UNC79: variants seen among roughly 807,000 people sequenced by gnomAD.
UNC79 encodes protein unc-79 homolog.
In UNC79, 37 loss-of-function variants were observed where a neutral mutation model predicts 283.1. That is an observed-to-expected ratio of 0.13 (90% CI 0.10 to 0.17). The LOEUF is 0.17. Ranked by LOEUF, UNC79 falls within the 10% of genes least tolerant of loss-of-function variation. The probability of loss-of-function intolerance (pLI) is 1.00; values close to 1 mark genes in which losing one functional copy is unlikely to be tolerated. For synonymous variants in UNC79, 1,107 were observed against 1,200.2 expected, an observed-to-expected ratio of 0.92 and a Z score of 1.61; for missense variants, 2,272 against 3,211.1, an observed-to-expected ratio of 0.71 and a Z score of 7.07.
At chr14:93,359,312 C>G (rs2054171577) in intron 1 of UNC79, among the ~76,000 whole-genome samples, 1 of 152,144 alleles carries the variant, frequency 6.6e-6, no homozygotes, top group African/African-American at 2.4e-5. Flanking sequence ...ACCTACTCAT[C>G]CCAGCTGGGA....
intron 40 of UNC79, among the ~76,000 whole-genome samples, chr14:93,663,853 T>C (rs1374650790): frequency 2.0e-5 from 3 of 152,244 alleles, no homozygotes; most frequent in Admixed American, 2.0e-4. Context: ...ATTGTGTTTA[T>C]GTTTAATTTG....
At chr14:93,668,978 TAAAAAAAAAAAA>T (rs543609091) in intron 40 of UNC79, among the ~76,000 whole-genome samples, 2 of 79,926 alleles carry the variant, frequency 2.5e-5, no homozygotes, top group African/African-American at 4.4e-5. Context: ...GAACATTGTC[TAAAAAAAAAAAA>T]AAAAAAAAAA....
At chr14:93,493,897 A>ATTTTTT (rs1427126465) in intron 5 of UNC79, among the ~76,000 whole-genome samples, 9 of 57,592 alleles carry the variant, frequency 1.6e-4, no homozygotes, top group African/African-American at 2.1e-4. Flanking sequence ...ATATATATAT[A>ATTTTTT]TATATTTTTT....
At chr14:93,375,987 C>T (rs2054550967) in intron 1 of UNC79, among the ~76,000 whole-genome samples, 1 of 152,138 alleles carries the variant, frequency 6.6e-6, no homozygotes, top group East Asian at 1.9e-4. Context: ...ATTCCCTGTG[C>T]CACCTTGGGA....
intron 1 of UNC79, among the ~76,000 whole-genome samples, chr14:93,346,991 G>A (rs1159527383): frequency 6.6e-6 from 1 of 152,020 alleles, no homozygotes; most frequent in African/African-American, 2.4e-5. Context: ...TGGGTGGAAG[G>A]GGTGGTGCAG....
At chr14:93,575,263 C>G (rs903774104) in intron 17 of UNC79, 65 bp downstream of exon 17, 24 of 1,604,080 alleles carry the variant, frequency 1.5e-5, no homozygotes, top group Non-Finnish European at 2.0e-5. Context: ...GTCAGTTATC[C>G]TACGCCTGAA....
At chr14:93,339,067 A>C (rs1472045151) in intron 1 of UNC79, among the ~76,000 whole-genome samples, 1 of 152,178 alleles carries the variant, frequency 6.6e-6, no homozygotes, top group African/African-American at 2.4e-5. Flanking sequence ...AAGGAAAGTG[A>C]TGTACAGAAA....
chr14:93,408,833 A>G lies in UNC79; in HGVS notation c.-350-58838A>G, dbSNP rs754732628. 2.6e-5 allele frequency among the ~76,000 whole-genome samples: 4 copies of G among 152,372 alleles called. No homozygotes were observed. The South Asian group carries it at 8.3e-4, about 32-fold the overall frequency. On this transcript the variant is annotated intron_variant, in intron 1 of 49. Transcript: ENST00000256339. ...GATGTGGGAGGGGAAGACAGGGTAT[A>G]TGGGAACTCTGTACTATCTGCCTAA... is the stretch of plus-strand genomic sequence containing the variant.
intron 1 of UNC79, among the ~76,000 whole-genome samples, chr14:93,419,946 C>T (rs889353325): frequency 2.7e-5 from 4 of 150,896 alleles, no homozygotes; most frequent in African/African-American, 7.3e-5. Context: ...AATAAAATAA[C>T]CTAATCACTC....
intron 3 of UNC79, among the ~76,000 whole-genome samples, chr14:93,475,720 G>C (rs1033567141): frequency 1.3e-5 from 2 of 152,150 alleles, no homozygotes; most frequent in Non-Finnish European, 2.9e-5. Context: ...CTGGTCCTGG[G>C]TTGGTCCACT....
At chr14:93,396,772 T>G (rs1430412001) in intron 1 of UNC79, among the ~76,000 whole-genome samples, 1 of 143,060 alleles carries the variant, frequency 7.0e-6, no homozygotes, top group East Asian at 2.0e-4. Flanking sequence ...AGGGCATGTG[T>G]GTGTATGTGT....
chr14:93,519,924 A>G (rs1316055801), intron 7 of UNC79, among the ~76,000 whole-genome samples: 1 of 151,842 alleles, frequency 6.6e-6, no homozygotes, highest in Non-Finnish European at 1.5e-5. Flanking sequence ...ATAATCAACC[A>G]TCTTTTAACA....
At chr14:93,337,678 G>GC (rs1226166293) in intron 1 of UNC79, among the ~76,000 whole-genome samples, 3 of 152,122 alleles carry the variant, frequency 2.0e-5, no homozygotes, top group East Asian at 3.9e-4. Flanking sequence ...GCTGAAACAT[G>GC]CCCCCCTGAA....
At chr14:93,676,024 C>T (rs2073314391) in intron 41 of UNC79, among the ~76,000 whole-genome samples, 1 of 152,170 alleles carries the variant, frequency 6.6e-6, no homozygotes, top group Admixed American at 6.5e-5. Context: ...CCTTTGAGAA[C>T]AAGCAGTGTT....
exon 30 of UNC79, chr14:93,622,472 C>G: frequency 6.2e-7 from 1 of 1,614,152 alleles, no homozygotes; most frequent in Non-Finnish European, 8.5e-7. Flanking sequence ...GAAGCAAAAA[C>G]GAGACCTCCT....
intron 2 of UNC79, among the ~76,000 whole-genome samples, chr14:93,472,756 A>G: frequency 6.6e-6 from 1 of 152,240 alleles, no homozygotes; most frequent in Non-Finnish European, 1.5e-5. Context: ...TAAATGTAAT[A>G]TCATTAACTA....
intron 1 of UNC79, among the ~76,000 whole-genome samples, chr14:93,457,246 G>A (rs2056822176): frequency 6.6e-6 from 1 of 152,164 alleles, no homozygotes; most frequent in Admixed American, 6.5e-5. Flanking sequence ...AAATTAAAGA[G>A]ACTTTTTCTG....
chr14:93,378,637 G>A (rs2054607625), intron 1 of UNC79, among the ~76,000 whole-genome samples: 1 of 152,118 alleles, frequency 6.6e-6, no homozygotes, highest in East Asian at 1.9e-4. Context: ...ATAATTTTAT[G>A]CATGAAACAA....
intron 1 of UNC79, among the ~76,000 whole-genome samples, chr14:93,371,701 C>T (rs1009415748): frequency 3.3e-5 from 5 of 151,832 alleles, no homozygotes; most frequent in East Asian, 1.9e-4. Flanking sequence ...ATTAGCCGGG[C>T]GTGGTGGCGG....
Sources: gnomAD v4.1 joint callset for allele counts (sites outside exome capture counted in the v4.1 genomes callset) on GRCh38, gnomAD v4.1.1 for gene constraint, MANE v1.5 for transcripts, NCBI Gene and HGNC (gene_info 2026-07-23, HGNC 2026-07-21) for gene names.